USH2A: variants seen among roughly 807,000 people sequenced by gnomAD.
USH2A encodes the protein Usher syndrome 2A (autosomal recessive, mild).
Under a neutral mutation model 538.9 loss-of-function variants are expected in USH2A, and 443 were observed. That is an observed-to-expected ratio of 0.82 (90% CI 0.76 to 0.89). USH2A has a LOEUF of 0.89. Among genes scored for constraint, USH2A ranks in the 40% least tolerant of loss-of-function variants. The pLI is 0.00. For synonymous variants in USH2A, 2,413 were observed against 2,273.5 expected (o/e 1.06, Z -1.75); for missense variants, 6,633 against 6,324.8 (o/e 1.05, Z -1.65).
At chr1:215,759,964 T>C in intron 56 of USH2A, 121 bp from the exon 57 acceptor site, 3 of 1,089,818 alleles carry the variant, frequency 2.8e-6, no homozygotes, top group Non-Finnish European at 4.1e-6. Context: ...AATATCTAAC[T>C]GTATGGAACA....
At chr1:215,630,500 ATATATATATATATATATATATATATAT>A in intron 70 of USH2A, among the ~76,000 whole-genome samples, 1 of 120,606 alleles carries the variant, frequency 8.3e-6, no homozygotes, top group African/African-American at 3.0e-5. Flanking sequence ...ATATATATAT[ATATATATATATATATATATATATATAT>A]GAGAGAGAGA....
intron 60 of USH2A, among the ~76,000 whole-genome samples, chr1:215,741,009 A>G (rs1660284964): frequency 6.6e-6 from 1 of 152,074 alleles, no homozygotes. Context: ...CCGGTTCCTA[A>G]CAGGCCGCGG....
At chr1:216,084,667 G>A in intron 25 of USH2A, 31 bp downstream of exon 25, 1 of 1,608,938 alleles carries the variant, frequency 6.2e-7, no homozygotes, top group Non-Finnish European at 8.5e-7. Context: ...TAGATTTTAA[G>A]TGAACACTCA....
chr1:215,935,168 A>G (rs1362562538), intron 37 of USH2A, among the ~76,000 whole-genome samples: 16 of 152,068 alleles, frequency 1.1e-4, no homozygotes, highest in Admixed American at 1.1e-3. Context: ...TTTTTTTCCA[A>G]TAAAAATCCC....
At chr1:216,027,657 T>A (rs533755509) in intron 32 of USH2A, among the ~76,000 whole-genome samples, 1 of 152,328 alleles carries the variant, frequency 6.6e-6, no homozygotes, top group South Asian at 2.1e-4. Context: ...TGCAGACCTA[T>A]AATTTCCACT....
chr1:216,200,214 C>T (rs1283281332), intron 16 of USH2A, 93 bp from the exon 17 acceptor site: 1 of 1,293,944 alleles, frequency 7.7e-7, no homozygotes, highest in Non-Finnish European at 1.1e-6. Context: ...TATTTAATTA[C>T]ATAAACTATA....
chr1:215,699,462 T>C (rs1163969508), intron 61 of USH2A, among the ~76,000 whole-genome samples: 1 of 152,198 alleles, frequency 6.6e-6, no homozygotes, highest in African/African-American at 2.4e-5. Context: ...ATGGAATATT[T>C]TTCCATTTGT....
chr1:216,104,999 G>A (rs1002803381), intron 21 of USH2A, among the ~76,000 whole-genome samples: 5 of 152,118 alleles, frequency 3.3e-5, no homozygotes, highest in African/African-American at 9.7e-5. Flanking sequence ...AGTGGGCGAA[G>A]GATATGAACA....
intron 30 of USH2A, among the ~76,000 whole-genome samples, chr1:216,060,040 TTCTGGCAGCAAAGC>T (rs758894085): frequency 2.2e-4 from 34 of 152,332 alleles, no homozygotes; most frequent in Non-Finnish European, 4.4e-4. Context: ...CTTGGCATTT[TTCTGGCAGCAAAGC>T]TAACACAGTC....
chr1:215,947,314 G>A (rs887799567), intron 37 of USH2A, among the ~76,000 whole-genome samples: 1 of 152,104 alleles, frequency 6.6e-6, no homozygotes, highest in Non-Finnish European at 1.5e-5. Context: ...AAAATGCTGG[G>A]ATCACAGGTG....
chr1:215,798,920 G>A lies in USH2A; in HGVS notation c.9945C>T (p.Tyr3315=), dbSNP rs1161652737. The A allele has an allele frequency of 6.2e-7, 1 of 1,614,018 alleles. No homozygotes were observed. Among genetic ancestry groups the A allele is most frequent in the South Asian group, 1.1e-5 (1 of 91,078 alleles). The change falls in exon 50 of 72, where the codon TAC becomes TAT. Residue 3315 remains tyrosine (Y), a synonymous_variant. Coordinates refer to ENST00000307340, the MANE Select transcript of USH2A (RefSeq NM_206933.4). ...ECCGGEEGVV[Y]NRLPGMFCCG... ...TGGGCCCCTTACCTGGAAGGCGATT[G>A]TACACCACTCCTTCTTCTCCACCAC... is the stretch of plus-strand genomic sequence containing the variant.
chr1:215,912,451 G>GTATA (rs1558157737), intron 38 of USH2A, among the ~76,000 whole-genome samples: 2 of 9,938 alleles, frequency 2.0e-4, no homozygotes, highest in Non-Finnish European at 2.1e-4. Flanking sequence ...TAGTAGGTAT[G>GTATA]TGTATATATA....
intron 27 of USH2A, among the ~76,000 whole-genome samples, chr1:216,074,330 C>CTG (rs1179654614): frequency 7.5e-6 from 1 of 133,300 alleles, no homozygotes; most frequent in East Asian, 2.7e-4. Context: ...CATGTTCTCT[C>CTG]TCTCTCTCTC....
intron 4 of USH2A, among the ~76,000 whole-genome samples, chr1:216,342,943 T>A (rs1383233124): frequency 1.3e-5 from 2 of 152,044 alleles, no homozygotes; most frequent in Non-Finnish European, 2.9e-5. Flanking sequence ...GGCACGCATA[T>A]ACCTATGTAA....
intron 49 of USH2A, among the ~76,000 whole-genome samples, chr1:215,805,314 G>T (rs1449138749): frequency 6.6e-6 from 1 of 151,864 alleles, no homozygotes; most frequent in Non-Finnish European, 1.5e-5. Flanking sequence ...TGCACTAAGT[G>T]AAATAAGCCA....
intron 38 of USH2A, among the ~76,000 whole-genome samples, chr1:215,919,825 G>T (rs1372472540): frequency 6.6e-6 from 1 of 151,852 alleles, no homozygotes; most frequent in Admixed American, 6.6e-5. Context: ...TTCTGAGACG[G>T]TCTCTCAAAT....
chr1:215,668,950 G>A (rs967236329), intron 64 of USH2A, among the ~76,000 whole-genome samples: 1 of 152,130 alleles, frequency 6.6e-6, no homozygotes, highest in South Asian at 2.1e-4. Flanking sequence ...CAGGAGAATC[G>A]TTTGAACCTG....
At position 215,934,535 on chromosome 1, in the gene USH2A, A is replaced by C. The variant is rs1666441755; in HGVS notation, c.7300+81T>G. 10 of 1,426,266 alleles carry C rather than the reference A, an allele frequency of 7.0e-6. No individual in the cohort carries two copies. In the South Asian group the frequency reaches 1.1e-4, roughly 16 times the overall value. 88.4% of individuals were successfully genotyped at this position (1,426,266 alleles called of 1,614,324 possible). A position where few individuals can be genotyped will look rare whatever the true frequency, so the allele number is the denominator to read the frequency against. ...TAAGTTCTAAAATAAAATACCTCTA[A>C]AAATAAACAAGGTATTCAATGGAAA... On this transcript the variant is annotated intron_variant, in intron 38 of 71. Transcript: ENST00000307340.
chr1:215,668,271 T>C (rs1413992708), intron 64 of USH2A, among the ~76,000 whole-genome samples: 2 of 152,220 alleles, frequency 1.3e-5, no homozygotes, highest in African/African-American at 2.4e-5. Flanking sequence ...AAATAAATTG[T>C]TTTAGTATAT....
Sources: gnomAD v4.1 joint callset for allele counts (sites outside exome capture counted in the v4.1 genomes callset) on GRCh38, gnomAD v4.1.1 for gene constraint, MANE v1.5 for transcripts, NCBI Gene and HGNC (gene_info 2026-07-23, HGNC 2026-07-21) for gene names.